Variants in CFAP53 observed in about 807,000 individuals in gnomAD.
CFAP53 encodes the protein cilia- and flagella-associated protein 53.
A neutral mutation model predicts 59.7 loss-of-function variants in CFAP53; 62 were observed. The ratio of observed to expected loss-of-function variants is 1.04; its 90% CI spans 0.85 to 1.28. The LOEUF (loss-of-function observed/expected upper bound fraction) is 1.28, where lower values mean the gene tolerates loss of function less well. Ranked by LOEUF, CFAP53 falls within the 50% of genes most tolerant of loss-of-function variation. The pLI is 0.00. For synonymous variants in CFAP53, 218 were observed against 205.7 expected (o/e 1.06, Z -0.51); for missense variants, 629 against 615.6 (o/e 1.02, Z -0.23).
At chr18:50,247,686 G>GCTA (rs2033758089) in intron 5 of CFAP53, among the ~76,000 whole-genome samples, 1 of 152,178 alleles carries the variant, frequency 6.6e-6, no homozygotes, top group African/African-American at 2.4e-5. Context: ...AAAACATTAT[G>GCTA]CTAAGTGAAA....
chr18:50,249,263 A>T (rs1030589593), intron 5 of CFAP53, among the ~76,000 whole-genome samples: 8 of 151,366 alleles, frequency 5.3e-5, no homozygotes, highest in Non-Finnish European at 1.0e-4. Context: ...CATGCCTGTA[A>T]ACACAACACT....
intron 7 of CFAP53, among the ~76,000 whole-genome samples, chr18:50,229,740 C>CTT (rs141422966): frequency 0.32 from 42,708 of 135,446 alleles, 7,404 homozygotes; most frequent in African/African-American, 0.39. Context: ...TTTTCTTTTT[C>CTT]TTTTTTTTTT....
chr18:50,245,889 T>C (rs954386086), intron 5 of CFAP53, among the ~76,000 whole-genome samples: 8 of 152,120 alleles, frequency 5.3e-5, no homozygotes, highest in African/African-American at 1.7e-4. Context: ...TTCACTCTGG[T>C]TGTCCAGGTT....
At position 50,259,373 on chromosome 18, in the gene CFAP53, T is replaced by G. The variant is rs550436499; in HGVS notation, c.473+1691A>C. ...GCACAGAAAGACAAACATTGCATGT[T>G]CTCACTAGTTTGTGGGATCTAAAAA... On this transcript the variant is annotated intron_variant, in intron 3 of 7. Coordinates refer to ENST00000398545, the MANE Select transcript of CFAP53 (RefSeq NM_145020.5). Among the ~76,000 whole-genome samples, 5 of 151,836 alleles carry G rather than the reference T, an allele frequency of 3.3e-5. No individual in the cohort carries two copies. The South Asian group carries it at 1.0e-3, about 32-fold the overall frequency.
chr18:50,230,402 C>CT (rs2033569826), intron 7 of CFAP53, among the ~76,000 whole-genome samples: 1 of 152,184 alleles, frequency 6.6e-6, no homozygotes, highest in Non-Finnish European at 1.5e-5. Flanking sequence ...CAAGGATGTT[C>CT]TGAGGGCATC....
chr18:50,237,403 CAT>C (rs66487436), intron 7 of CFAP53, among the ~76,000 whole-genome samples: 101,182 of 107,750 alleles, frequency 0.94, 47,945 homozygotes, highest in Non-Finnish European at 0.99. Context: ...CACACACACA[CAT>C]ATATATATAT....
At chr18:50,248,959 T>C (rs897214000) in intron 5 of CFAP53, among the ~76,000 whole-genome samples, 7 of 151,684 alleles carry the variant, frequency 4.6e-5, no homozygotes, top group African/African-American at 1.5e-4. Flanking sequence ...CAAGAATAAA[T>C]TGGGAGGCCG....
At chr18:50,236,802 A>T (rs1490209133) in intron 7 of CFAP53, among the ~76,000 whole-genome samples, 1 of 152,202 alleles carries the variant, frequency 6.6e-6, no homozygotes, top group African/African-American at 2.4e-5. Context: ...AGAACTACCT[A>T]GGTGAGCCGT....
chr18:50,238,752 A>T, intron 6 of CFAP53, 47 bp from the exon 7 acceptor site: 1 of 1,356,220 alleles, frequency 7.4e-7, no homozygotes. Context: ...TTCAGACAAG[A>T]ATTGCCAACA....
At chr18:50,250,696 A>T in intron 5 of CFAP53, 62 bp downstream of exon 5, 1 of 1,325,498 alleles carries the variant, frequency 7.5e-7, no homozygotes, top group Non-Finnish European at 1.1e-6. Flanking sequence ...ATCTTCCACA[A>T]GACTGAGAAC....
intron 5 of CFAP53, among the ~76,000 whole-genome samples, chr18:50,245,209 C>T (rs1023215487): frequency 7.9e-5 from 12 of 151,326 alleles, no homozygotes; most frequent in Admixed American, 3.9e-4. Context: ...GGTGAAACCC[C>T]GCCTCTACTA....
chr18:50,235,105 A>G (rs1568150761), intron 7 of CFAP53, among the ~76,000 whole-genome samples: 1 of 152,242 alleles, frequency 6.6e-6, no homozygotes, highest in Admixed American at 6.5e-5. Flanking sequence ...TCTTACATCA[A>G]TACCTCAGGT....
At chr18:50,229,050 T>C (rs2033554418) in intron 7 of CFAP53, among the ~76,000 whole-genome samples, 1 of 152,180 alleles carries the variant, frequency 6.6e-6, no homozygotes, top group South Asian at 2.1e-4. Context: ...ATCACACTAC[T>C]GCACCCCAGC....
chr18:50,237,323 A>AAAAAAAAAAAAAAT (rs2033644161), intron 7 of CFAP53, among the ~76,000 whole-genome samples: 1 of 11,888 alleles, frequency 8.4e-5, no homozygotes, highest in East Asian at 4.3e-3. Context: ...AAAAAAAAAA[A>AAAAAAAAAAAAAAT]AAAAAAATAT....
chr18:50,237,351 T>C (rs112793039), intron 7 of CFAP53, among the ~76,000 whole-genome samples: 645 of 16,214 alleles, frequency 0.04, 154 homozygotes, highest in African/African-American at 0.064. Flanking sequence ...TATATATATA[T>C]ACGCACACAT....
rs112087763 is a variant in CFAP53, at chr18:50,262,174, T to G, written c.115A>C (p.Arg39=). The part of the protein sequence containing the change: ...KGQGAEHHLE[R]IRRSHQKHNA... ...TGCTTCTGATGGCTGCGTCGGATTC[T>G]TTCTAGATGGTGCTCAGCTCCTTGG... Residue 39 remains arginine (R), a synonymous_variant, in exon 2 of 8, where the codon AGA becomes CGA. Transcript: ENST00000398545. 6,413 of 1,614,224 alleles carry G rather than the reference T, an allele frequency of 4.0e-3. 18 individuals are homozygous for G. Among genetic ancestry groups the G allele is most frequent in the Non-Finnish European group, 4.0e-3 (4,777 of 1,180,034 alleles).
rs1212526242 is a variant in CFAP53, at chr18:50,261,179, T to C, written c.358A>G (p.Lys120Glu). 1.3e-6 allele frequency: 2 copies of C among 1,592,066 alleles called. No individual in the cohort carries two copies. Among genetic ancestry groups the C allele is most frequent in the Admixed American group, 1.8e-5 (1 of 55,538 alleles). Residue 120 changes from lysine to glutamate, a missense_variant, in exon 3 of 8, where the codon AAA becomes GAA. Lys to Glu is a moderately conservative substitution (Grantham distance 56). Transcript: ENST00000398545. ...TCTTTTTTCTCCTCAATGGTTTCTT[T>C]CTTCAATTGCATTTCTGTAAAATAC... ...NEYFTEMQLK[K>E]ETIEEKKDRM...
intron 5 of CFAP53, among the ~76,000 whole-genome samples, chr18:50,249,763 G>C (rs2033780012): frequency 6.6e-6 from 1 of 152,160 alleles, no homozygotes; most frequent in South Asian, 2.1e-4. Flanking sequence ...AAAGATCCTG[G>C]TGATGATGAG....
intron 7 of CFAP53, among the ~76,000 whole-genome samples, chr18:50,237,675 G>A (rs1266346325): frequency 6.6e-6 from 1 of 152,002 alleles, no homozygotes; most frequent in Non-Finnish European, 1.5e-5. Context: ...AGGTATCATG[G>A]CCACCAGTGG....
Sources: gnomAD v4.1 joint callset for allele counts (sites outside exome capture counted in the v4.1 genomes callset) on GRCh38, gnomAD v4.1.1 for gene constraint, MANE v1.5 for transcripts, NCBI Gene and HGNC (gene_info 2026-07-23, HGNC 2026-07-21) for gene names.